The following KHDRBS2 variants were observed in gnomAD, a reference collection of about 807,000 sequenced individuals.
The protein encoded by KHDRBS2 is KH domain-containing, RNA-binding, signal transduction-associated protein 2.
Under a neutral mutation model 44.3 loss-of-function variants are expected in KHDRBS2, and 26 were observed. The ratio of observed to expected loss-of-function variants is 0.59; its 90% CI spans 0.43 to 0.81. The LOEUF is 0.81. KHDRBS2 is among the 40% of genes least tolerant of loss of function. KHDRBS2 has a pLI of 0.00. For missense variants in KHDRBS2, 476 were observed against 433.1 expected, an observed-to-expected ratio of 1.10 and a Z score of -0.88; for synonymous variants, 194 against 151.1, an observed-to-expected ratio of 1.28 and a Z score of -2.08.
intron 7 of KHDRBS2, among the ~76,000 whole-genome samples, chr6:61,720,419 C>T (rs1394925228): frequency 2.6e-5 from 4 of 152,070 alleles, no homozygotes; most frequent in South Asian, 2.1e-4. Flanking sequence ...TCCTATTTCT[C>T]CACATCCTCT....
At chr6:61,934,311 C>T (rs1464721996) in intron 4 of KHDRBS2, among the ~76,000 whole-genome samples, 3 of 152,074 alleles carry the variant, frequency 2.0e-5, no homozygotes, top group Non-Finnish European at 2.9e-5. Context: ...AGATGTAATT[C>T]CATTCGTCTG....
Position 61,996,995 on chromosome 6 carries a change from C to A in KHDRBS2, c.337-18783G>T, listed in dbSNP as rs182930379. Among the ~76,000 whole-genome samples, 274 of 152,180 alleles carry A rather than the reference C, an allele frequency of 1.8e-3. 1 individual carries two copies. The highest frequency in any genetic ancestry group is 3.5e-3 in the South Asian group (17 of 4,828). Reference sequence around the variant, plus strand: ...ACGGGGTTTCACCATGTTAGCCAGGCTGGTCTCAAACTCCTGACCTCGTGA... The same window carrying A: ...ACGGGGTTTCACCATGTTAGCCAGGATGGTCTCAAACTCCTGACCTCGTGA... On this transcript the variant is annotated intron_variant, in intron 3 of 8. Coordinates refer to ENST00000281156, the MANE Select transcript of KHDRBS2 (RefSeq NM_152688.4).
At chr6:61,696,731 G>A (rs1767952347) in intron 8 of KHDRBS2, among the ~76,000 whole-genome samples, 1 of 151,956 alleles carries the variant, frequency 6.6e-6, no homozygotes, top group African/African-American at 2.4e-5. Flanking sequence ...CATCCTTATT[G>A]ACTATCAATT....
Position 61,697,273 on chromosome 6 carries a change from C to G in KHDRBS2, c.894-20G>C, listed in dbSNP as rs772941622. The G allele has an allele frequency of 6.6e-7, 1 of 1,513,648 alleles. No homozygotes were observed. Among genetic ancestry groups the G allele is most frequent in the South Asian group, 1.1e-5 (1 of 89,028 alleles). 93.8% of individuals were successfully genotyped at this position (1,513,648 alleles called of 1,614,324 possible). On this transcript the variant is annotated intron_variant, in intron 7 of 8. Transcript: ENST00000281156. ...GGCACACTGCAACAAATTTAGATAG[C>G]AATCAATGTTACTATAACCAGGAAA...
intron 7 of KHDRBS2, among the ~76,000 whole-genome samples, chr6:61,732,438 C>T (rs1250016189): frequency 2.0e-5 from 3 of 151,912 alleles, no homozygotes; most frequent in East Asian, 1.9e-4. Flanking sequence ...GCTTATTTAA[C>T]GAGTTGATTG....
intron 2 of KHDRBS2, among the ~76,000 whole-genome samples, chr6:62,083,775 T>A (rs1231971450): frequency 6.6e-6 from 1 of 152,180 alleles, no homozygotes. Flanking sequence ...TCAAAAAGTA[T>A]CCTGAAAAAT....
intron 1 of KHDRBS2, among the ~76,000 whole-genome samples, chr6:62,177,680 G>C (rs1294775064): frequency 6.6e-6 from 1 of 151,002 alleles, no homozygotes; most frequent in Non-Finnish European, 1.5e-5. Flanking sequence ...GCAATAAATA[G>C]AACAAAATAC....
At chr6:61,869,037 C>T (rs1289602196) in intron 6 of KHDRBS2, among the ~76,000 whole-genome samples, 3 of 152,098 alleles carry the variant, frequency 2.0e-5, no homozygotes, top group African/African-American at 2.4e-5. Context: ...TTGGTTTCCC[C>T]GGGGGAGTTG....
At chr6:61,858,829 A>G (rs1264493713) in intron 6 of KHDRBS2, among the ~76,000 whole-genome samples, 1 of 151,954 alleles carries the variant, frequency 6.6e-6, no homozygotes, top group South Asian at 2.1e-4. Context: ...TTTGTACATA[A>G]CAGTCGTATA....
chr6:62,196,156 T>A (rs1436576477), intron 1 of KHDRBS2, among the ~76,000 whole-genome samples: 1 of 152,174 alleles, frequency 6.6e-6, no homozygotes, highest in East Asian at 1.9e-4. Flanking sequence ...TTGAAATCCC[T>A]GTATAGACTA....
At chr6:61,994,225 C>T (rs12664428) in intron 3 of KHDRBS2, among the ~76,000 whole-genome samples, 51 of 152,244 alleles carry the variant, frequency 3.3e-4, no homozygotes, top group African/African-American at 1.0e-3. Context: ...TGCAAGGAGG[C>T]GTAATCCAAG....
chr6:62,082,890 T>C (rs1175461747), intron 2 of KHDRBS2, among the ~76,000 whole-genome samples: 1 of 152,156 alleles, frequency 6.6e-6, no homozygotes, highest in African/African-American at 2.4e-5. Context: ...CCTTCAAGTA[T>C]GTGAGATACC....
intron 6 of KHDRBS2, among the ~76,000 whole-genome samples, chr6:61,734,930 G>A (rs907924900): frequency 5.9e-5 from 9 of 152,118 alleles, no homozygotes; most frequent in Non-Finnish European, 8.8e-5. Context: ...TGAATTTCTA[G>A]GCCTGAAGGC....
In KHDRBS2 at chr6:62,098,417, T is replaced by A. The variant is rs896967374; in HGVS notation, c.220-50423A>T. Among the ~76,000 whole-genome samples, 3 of 152,126 alleles carry A rather than the reference T, an allele frequency of 2.0e-5. No homozygotes were observed. The South Asian group carries it at 6.2e-4, about 32-fold the overall frequency. ...CTTTGCTGGCTCCAGCATTTTCTGTTGACAGTTTGTTTTGTTTTGTTTTTC... is the reference window on the plus strand; with the variant it reads ...CTTTGCTGGCTCCAGCATTTTCTGTAGACAGTTTGTTTTGTTTTGTTTTTC... On this transcript the variant is annotated intron_variant, in intron 2 of 8. Transcript: ENST00000281156.
At chr6:62,280,735 A>G (rs1024342612) in intron 1 of KHDRBS2, among the ~76,000 whole-genome samples, 10 of 152,234 alleles carry the variant, frequency 6.6e-5, no homozygotes, top group African/African-American at 2.4e-4. Flanking sequence ...AATTATTCAC[A>G]TTGAATCATG....
At chr6:62,200,116 T>G (rs1826614139) in intron 1 of KHDRBS2, among the ~76,000 whole-genome samples, 1 of 152,112 alleles carries the variant, frequency 6.6e-6, no homozygotes, top group Non-Finnish European at 1.5e-5. Context: ...ATGTTAGACC[T>G]AAAACCATAA....
intron 3 of KHDRBS2, among the ~76,000 whole-genome samples, chr6:62,000,580 G>A (rs1038121631): frequency 6.6e-6 from 1 of 152,184 alleles, no homozygotes; most frequent in African/African-American, 2.4e-5. Flanking sequence ...CAGTGTTCTT[G>A]TAAGTGGTCA....
intron 3 of KHDRBS2, among the ~76,000 whole-genome samples, chr6:62,031,082 T>C (rs183806346): frequency 4.6e-5 from 7 of 152,100 alleles, no homozygotes; most frequent in African/African-American, 1.2e-4. Flanking sequence ...GGATAGAAGA[T>C]AGCAACAGAA....
chr6:61,672,539 T>G, the KHDRBS2 span, among the ~76,000 whole-genome samples: 2 of 152,118 alleles, frequency 1.3e-5, no homozygotes, highest in African/African-American at 2.4e-5. Flanking sequence ...ATTGCCATTC[T>G]AACTGGTGTG....
Sources: gnomAD v4.1 joint callset for allele counts (sites outside exome capture counted in the v4.1 genomes callset) on GRCh38, gnomAD v4.1.1 for gene constraint, MANE v1.5 for transcripts, NCBI Gene and HGNC (gene_info 2026-07-23, HGNC 2026-07-21) for gene names.